ESRRG: variants seen among roughly 807,000 people sequenced by gnomAD.
ESRRG encodes the protein estrogen related receptor gamma.
In ESRRG, 13 loss-of-function variants were observed where a neutral mutation model predicts 44.0. The ratio of observed to expected loss-of-function variants is 0.30; its 90% CI spans 0.19 to 0.47. The LOEUF (loss-of-function observed/expected upper bound fraction) is 0.47, where lower values mean the gene tolerates loss of function less well. Among genes scored for constraint, ESRRG ranks in the 20% least tolerant of loss-of-function variants. The pLI is 1.00. For missense variants in ESRRG, 395 were observed against 580.6 expected, an observed-to-expected ratio of 0.68 and a Z score of 3.29; for synonymous variants, 215 against 214.6, an observed-to-expected ratio of 1.00 and a Z score of -0.02.
At chr1:216,764,006 G>A (rs1249456711) in intron 2 of ESRRG, among the ~76,000 whole-genome samples, 3 of 152,116 alleles carry the variant, frequency 2.0e-5, no homozygotes, top group African/African-American at 7.2e-5. Context: ...TAAATGCTGA[G>A]ATAGTTCAAA....
chr1:217,035,679 T>TG (rs1469850772), intron 1 of ESRRG, among the ~76,000 whole-genome samples: 2 of 128,046 alleles, frequency 1.6e-5, no homozygotes, highest in East Asian at 2.1e-4. Context: ...AGGGATTCCG[T>TG]GAAAAAAAAA....
intron 1 of ESRRG, among the ~76,000 whole-genome samples, chr1:217,133,982 G>A (rs1017408015): frequency 6.6e-5 from 10 of 152,068 alleles, no homozygotes; most frequent in Admixed American, 2.0e-4. Flanking sequence ...CCCGAATGTG[G>A]CCCAGAGTTA....
At chr1:216,770,004 C>T (rs760355682) in intron 2 of ESRRG, among the ~76,000 whole-genome samples, 4 of 151,704 alleles carry the variant, frequency 2.6e-5, no homozygotes, top group Non-Finnish European at 5.9e-5. Flanking sequence ...AAGAGAGCTA[C>T]CAAACAAGGA....
At chr1:216,563,358 C>A (rs749614847) in intron 5 of ESRRG, among the ~76,000 whole-genome samples, 9 of 152,066 alleles carry the variant, frequency 5.9e-5, no homozygotes, top group Non-Finnish European at 1.0e-4. Context: ...ACATAGCTGG[C>A]GTATCATGAC....
At chr1:216,597,909 C>A (rs1189663863) in intron 3 of ESRRG, among the ~76,000 whole-genome samples, 1 of 152,164 alleles carries the variant, frequency 6.6e-6, no homozygotes, top group Non-Finnish European at 1.5e-5. Flanking sequence ...TTCATTCAAC[C>A]TACAGTGTGA....
At chr1:216,959,610 C>T (rs934073562) in intron 1 of ESRRG, 1 of 151,904 alleles carries the variant, frequency 6.6e-6, no homozygotes, top group Non-Finnish European at 1.5e-5. Flanking sequence ...TCCCTGAAGC[C>T]CAGGAGTTCA....
chr1:216,613,280 G>C (rs576429152), intron 3 of ESRRG, among the ~76,000 whole-genome samples: 1 of 152,094 alleles, frequency 6.6e-6, no homozygotes, highest in Non-Finnish European at 1.5e-5. Flanking sequence ...TTATTGTAAT[G>C]GTAACATCTT....
At chr1:217,018,130 T>C (rs192319709) in intron 1 of ESRRG, among the ~76,000 whole-genome samples, 1 of 152,312 alleles carries the variant, frequency 6.6e-6, no homozygotes, top group African/African-American at 2.4e-5. Flanking sequence ...ACTATGGAAA[T>C]AATGGTTATT....
At chr1:216,814,737 C>T (rs2095080656) in intron 2 of ESRRG, among the ~76,000 whole-genome samples, 1 of 152,086 alleles carries the variant, frequency 6.6e-6, no homozygotes, top group African/African-American at 2.4e-5. Context: ...TTTTTCTGTC[C>T]AAGGCTCAGA....
At chr1:216,638,788 A>C (rs572006059) in intron 3 of ESRRG, among the ~76,000 whole-genome samples, 124 of 152,318 alleles carry the variant, frequency 8.1e-4, no homozygotes, top group African/African-American at 2.8e-3. Context: ...TGAGTGAATA[A>C]AAGTTTGGAG....
Position 216,630,133 on chromosome 1 carries a change from G to A in ESRRG, c.589+20840C>T, listed in dbSNP as rs577980337. 4.6e-5 allele frequency among the ~76,000 whole-genome samples: 7 copies of A among 152,164 alleles called. 1 individual carries two copies. The highest frequency in any genetic ancestry group is 1.7e-4 in the African/African-American group (7 of 41,516). On this transcript the variant is annotated intron_variant, in intron 3 of 6. Coordinates refer to ENST00000408911, the MANE Select transcript of ESRRG (RefSeq NM_001438.4). ...TGTTGCTTTCCTTATCACGAAGTCA[G>A]GATTAGATGACAAATAAATACTAGG...
intron 2 of ESRRG, among the ~76,000 whole-genome samples, chr1:216,755,880 T>A (rs1308609549): frequency 6.6e-6 from 1 of 152,064 alleles, no homozygotes; most frequent in African/African-American, 2.4e-5. Context: ...AGTTAAATAG[T>A]GAATACTTTC....
intron 5 of ESRRG, among the ~76,000 whole-genome samples, chr1:216,560,575 T>A (rs1239795611): frequency 6.6e-6 from 1 of 152,166 alleles, no homozygotes; most frequent in Non-Finnish European, 1.5e-5. Context: ...CAGTACATAA[T>A]AATATTTTAA....
At chr1:216,935,109 C>T (rs2063923821) in intron 2 of ESRRG, among the ~76,000 whole-genome samples, 1 of 152,136 alleles carries the variant, frequency 6.6e-6, no homozygotes, top group African/African-American at 2.4e-5. Context: ...TCAACACAGA[C>T]ACTTCTGTGT....
intron 3 of ESRRG, among the ~76,000 whole-genome samples, chr1:216,570,237 T>C (rs535121603): frequency 1.3e-5 from 2 of 152,282 alleles, no homozygotes; most frequent in African/African-American, 4.8e-5. Context: ...GTTAAATAGG[T>C]TAAACAAACA....
chr1:216,949,212 A>T (rs1364720103), intron 1 of ESRRG, among the ~76,000 whole-genome samples: 1 of 152,176 alleles, frequency 6.6e-6, no homozygotes, highest in Non-Finnish European at 1.5e-5. Context: ...GAGAGAGAAA[A>T]CTTTCCTGGT....
chr1:216,551,922 G>A (rs1227976738), intron 5 of ESRRG, among the ~76,000 whole-genome samples: 1 of 152,050 alleles, frequency 6.6e-6, no homozygotes, highest in African/African-American at 2.4e-5. Context: ...CACTTGGGCT[G>A]TTGGCCATGT....
chr1:217,051,669 T>C (rs1046575081), intron 1 of ESRRG, among the ~76,000 whole-genome samples: 1 of 152,202 alleles, frequency 6.6e-6, no homozygotes, highest in African/African-American at 2.4e-5. Context: ...AGAGACAAGA[T>C]ACCTGGGTTA....
chr1:216,845,224 T>C (rs1187058183), intron 2 of ESRRG, among the ~76,000 whole-genome samples: 1 of 152,186 alleles, frequency 6.6e-6, no homozygotes, highest in Non-Finnish European at 1.5e-5. Flanking sequence ...TTGTTCAATT[T>C]GGTGTTTTTA....
Sources: gnomAD v4.1 joint callset for allele counts (sites outside exome capture counted in the v4.1 genomes callset) on GRCh38, gnomAD v4.1.1 for gene constraint, MANE v1.5 for transcripts, NCBI Gene and HGNC (gene_info 2026-07-23, HGNC 2026-07-21) for gene names.